PRKG1: variants seen among roughly 807,000 people sequenced by gnomAD.
The protein encoded by PRKG1 is protein kinase cGMP-dependent 1.
PRKG1 carries 35 observed loss-of-function variants against 88.1 expected under a neutral mutation model. The observed-to-expected ratio is 0.40, with a 90% confidence interval of 0.30 to 0.53. The LOEUF (loss-of-function observed/expected upper bound fraction) is 0.53. Ranked by LOEUF, PRKG1 falls within the 20% of genes least tolerant of loss-of-function variation. The pLI is 0.59. For synonymous variants in PRKG1, 303 were observed against 292.5 expected (o/e 1.04, Z -0.37); for missense variants, 540 against 839.8 (o/e 0.64, Z 4.41).
chr10:51,109,861 C>T (rs1430791868), intron 1 of PRKG1, among the ~76,000 whole-genome samples: 1 of 151,842 alleles, frequency 6.6e-6, no homozygotes, highest in Non-Finnish European at 1.5e-5. Flanking sequence ...GGATTTATAT[C>T]CAAAATATGA....
At chr10:51,224,249 G>A (rs987523292) in intron 2 of PRKG1, among the ~76,000 whole-genome samples, 8 of 152,132 alleles carry the variant, frequency 5.3e-5, no homozygotes, top group Non-Finnish European at 1.0e-4. Context: ...TGTCAGTTTA[G>A]GTATCATCAG....
chr10:52,259,907 A>G (rs554059711), intron 10 of PRKG1, among the ~76,000 whole-genome samples: 5 of 152,226 alleles, frequency 3.3e-5, no homozygotes, highest in Non-Finnish European at 5.9e-5. Flanking sequence ...GTCCTCTTAT[A>G]TTTGTGAAAA....
intron 3 of PRKG1, among the ~76,000 whole-genome samples, chr10:51,527,541 G>A (rs889222353): frequency 1.2e-4 from 19 of 152,138 alleles, no homozygotes; most frequent in African/African-American, 3.6e-4. Context: ...AAAAGTATAT[G>A]AGTAAGACTT....
chr10:52,006,664 C>G (rs1317812732), intron 5 of PRKG1, among the ~76,000 whole-genome samples: 1 of 152,080 alleles, frequency 6.6e-6, no homozygotes, highest in Non-Finnish European at 1.5e-5. Context: ...ACTGATGTCC[C>G]TGAAAGAGGG....
At chr10:51,925,624 C>G (rs1175035663) in intron 5 of PRKG1, among the ~76,000 whole-genome samples, 1 of 152,066 alleles carries the variant, frequency 6.6e-6, no homozygotes, top group Non-Finnish European at 1.5e-5. Context: ...AAGGAGAACA[C>G]AGAGCTCGGA....
At chr10:51,298,735 G>C (rs138028999) in intron 2 of PRKG1, among the ~76,000 whole-genome samples, 1 of 152,150 alleles carries the variant, frequency 6.6e-6, no homozygotes, top group Non-Finnish European at 1.5e-5. Context: ...AAATTGTTAG[G>C]TTGGAGTATT....
chr10:51,644,847 G>A (rs534283388), intron 3 of PRKG1, among the ~76,000 whole-genome samples: 5 of 152,162 alleles, frequency 3.3e-5, no homozygotes, highest in Admixed American at 6.5e-5. Context: ...GTGCAGTGGC[G>A]TGATCTCAGC....
intron 3 of PRKG1, among the ~76,000 whole-genome samples, chr10:51,719,353 A>G (rs1173464096): frequency 1.3e-5 from 2 of 152,208 alleles, no homozygotes; most frequent in South Asian, 2.1e-4. Flanking sequence ...CAAGTAATGA[A>G]GGTTAATGTT....
At chr10:51,181,804 G>A (rs529530218) in intron 2 of PRKG1, among the ~76,000 whole-genome samples, 1 of 152,182 alleles carries the variant, frequency 6.6e-6, no homozygotes, top group Non-Finnish European at 1.5e-5. Flanking sequence ...AGGAGAATTC[G>A]ACACAGGTCT....
intron 5 of PRKG1, among the ~76,000 whole-genome samples, chr10:51,981,722 T>G (rs1351048080): frequency 2.0e-5 from 3 of 152,318 alleles, no homozygotes; most frequent in Admixed American, 6.5e-5. Flanking sequence ...TTATCTGACA[T>G]TTTTCTTTAG....
At chr10:51,876,548 A>T (rs1841305088) in intron 4 of PRKG1, among the ~76,000 whole-genome samples, 1 of 152,240 alleles carries the variant, frequency 6.6e-6, no homozygotes, top group South Asian at 2.1e-4. Context: ...TATCTATATA[A>T]GGCCTTAGGC....
At chr10:51,585,102 A>G (rs1175873541) in intron 3 of PRKG1, among the ~76,000 whole-genome samples, 6 of 152,162 alleles carry the variant, frequency 3.9e-5, no homozygotes, top group East Asian at 3.9e-4. Context: ...AAATTCATAA[A>G]CTTAACATGA....
intron 1 of PRKG1, among the ~76,000 whole-genome samples, chr10:51,050,900 T>G (rs1843552413): frequency 6.6e-6 from 1 of 152,132 alleles, no homozygotes; most frequent in Non-Finnish European, 1.5e-5. Context: ...TCCCTGATGA[T>G]TAATGTTGAA....
In PRKG1 at chr10:52,128,243, G is replaced by T. The variant is rs1439655262; in HGVS notation, c.936-5597G>T. On this transcript the variant is annotated intron_variant, in intron 7 of 17. Coordinates refer to ENST00000373980, the MANE Select transcript of PRKG1 (RefSeq NM_006258.4). ...CCATGAAGGCTGGCACTGAGAGAGTGCTGGGACTCTGTGGACAGCAGTCAT... is the reference window on the plus strand; with the variant it reads ...CCATGAAGGCTGGCACTGAGAGAGTTCTGGGACTCTGTGGACAGCAGTCAT... The T allele has an allele frequency of 3.0e-6, 3 of 985,318 alleles. 1 individual carries two copies. The highest frequency in any genetic ancestry group is 1.2e-4 in the Admixed American group (2 of 16,262). 61.0% of individuals were successfully genotyped at this position (985,318 alleles called of 1,614,324 possible).
intron 3 of PRKG1, among the ~76,000 whole-genome samples, chr10:51,566,268 T>C (rs1837601290): frequency 6.6e-6 from 1 of 152,060 alleles, no homozygotes; most frequent in Non-Finnish European, 1.5e-5. Context: ...TGGCTCAGTT[T>C]CTCATCACAC....
At chr10:52,083,143 A>G (rs1846822617) in intron 7 of PRKG1, among the ~76,000 whole-genome samples, 4 of 152,006 alleles carry the variant, frequency 2.6e-5, no homozygotes. Context: ...AGTGTTATAT[A>G]TGTTTGAAAA....
At chr10:51,429,895 T>C (rs763980427) in intron 2 of PRKG1, among the ~76,000 whole-genome samples, 1 of 151,230 alleles carries the variant, frequency 6.6e-6, no homozygotes, top group Non-Finnish European at 1.5e-5. Flanking sequence ...AGCATACCAA[T>C]GTACACACAA....
intron 2 of PRKG1, among the ~76,000 whole-genome samples, chr10:51,439,178 T>A (rs1201483347): frequency 6.6e-6 from 1 of 151,952 alleles, no homozygotes; most frequent in Middle Eastern, 3.4e-3. Flanking sequence ...AGTGATTTTG[T>A]AGAAGCTGGA....
intron 4 of PRKG1, among the ~76,000 whole-genome samples, chr10:51,829,274 T>C (rs1839948121): frequency 6.6e-6 from 1 of 152,200 alleles, no homozygotes; most frequent in South Asian, 2.1e-4. Context: ...ATTTTAAAAG[T>C]GACATTTTGT....
Sources: allele counts gnomAD v4.1 joint callset (sites outside exome capture counted in the v4.1 genomes callset), GRCh38; gene constraint gnomAD v4.1.1; transcripts MANE v1.5; gene names NCBI Gene and HGNC (gene_info 2026-07-23, HGNC 2026-07-21).